The following SH3BGR variants were observed in gnomAD, a reference collection of about 807,000 sequenced individuals.
SH3BGR encodes the protein SH3 domain-binding glutamic acid-rich protein.
SH3BGR carries 29 observed loss-of-function variants against 24.5 expected under a neutral mutation model. The ratio of observed to expected loss-of-function variants is 1.18; its 90% confidence interval spans 0.88 to 1.61. The LOEUF is 1.61. SH3BGR is among the 40% of genes most tolerant of loss of function. The pLI is 0.00. For missense variants in SH3BGR, 162 were observed against 205.8 expected (o/e 0.79, Z 1.30); for synonymous variants, 55 against 65.7 (o/e 0.84, Z 0.79).
upstream of SH3BGR, among the ~76,000 whole-genome samples, chr21:39,448,515 C>T (rs779489652): frequency 1.3e-5 from 2 of 151,994 alleles, no homozygotes; most frequent in African/African-American, 2.4e-5. Context: ...AAAATATACT[C>T]CAACAGACGG....
chr21:39,473,463 T>C (rs1376038977), intron 2 of SH3BGR, among the ~76,000 whole-genome samples: 1 of 152,248 alleles, frequency 6.6e-6, no homozygotes, highest in African/African-American at 2.4e-5. Context: ...CACTTACTCA[T>C]GATGTTATAT....
chr21:39,469,330 ATGT>A (rs960056322), intron 2 of SH3BGR, among the ~76,000 whole-genome samples: 1 of 147,432 alleles, frequency 6.8e-6, no homozygotes, highest in African/African-American at 2.5e-5. Context: ...TTTTAAGTTT[ATGT>A]TGTTCATAGT....
upstream of SH3BGR, among the ~76,000 whole-genome samples, chr21:39,447,292 A>G (rs531002031): frequency 1.5e-4 from 23 of 151,980 alleles, no homozygotes; most frequent in South Asian, 4.2e-3. Flanking sequence ...TCATGACTGG[A>G]GGAATTGAAA....
intron 3 of SH3BGR, among the ~76,000 whole-genome samples, chr21:39,482,232 CA>C (rs1314172464): frequency 6.6e-6 from 1 of 152,096 alleles, no homozygotes; most frequent in Non-Finnish European, 1.5e-5. Flanking sequence ...TCAGACAAAA[CA>C]AAAATTTGGA....
intron 2 of SH3BGR, among the ~76,000 whole-genome samples, chr21:39,472,891 T>C (rs1318350198): frequency 1.4e-5 from 2 of 141,498 alleles, no homozygotes; most frequent in Admixed American, 1.4e-4. Context: ...AAAGGTGTCA[T>C]GTGTGTGTCA....
intron 4 of SH3BGR, 139 bp downstream of exon 4, chr21:39,500,054 A>G (rs1164477269): frequency 3.1e-6 from 2 of 644,132 alleles, no homozygotes; most frequent in Admixed American, 5.3e-5. Context: ...GGAGGAAGCA[A>G]GTAATTTCTA....
rs117348794 is a variant in SH3BGR at position 39,488,412 on chromosome 21, G to T, written c.313-11411G>T. 342 of 229,662 alleles carry T rather than the reference G, an allele frequency of 1.5e-3. 1 individual carries two copies. The highest frequency in any genetic ancestry group is 2.5e-3 in the Non-Finnish European group (270 of 109,010). The allele number at this position is 229,662 out of a possible 1,614,324, so 14.2% of individuals were successfully genotyped here. ...AATGGGTGATGGCAAGGCCCTTACA[G>T]CCAGTATGGGGACATGACGAGGGCC... On this transcript the variant is annotated intron_variant, in intron 3 of 6. Coordinates refer to ENST00000333634, the MANE Select transcript of SH3BGR (RefSeq NM_007341.3).
chr21:39,501,285 TA>T (rs1467881012), intron 4 of SH3BGR, among the ~76,000 whole-genome samples: 1 of 152,228 alleles, frequency 6.6e-6, no homozygotes, highest in Non-Finnish European at 1.5e-5. Flanking sequence ...AGCATATTTA[TA>T]ATCAGATCCT....
chr21:39,475,059 C>T (rs953479063), intron 2 of SH3BGR, 76 bp from the exon 3 acceptor site: 12 of 916,118 alleles, frequency 1.3e-5, no homozygotes, highest in Non-Finnish European at 2.0e-5. Flanking sequence ...CTAAGAAATA[C>T]AAAAGATCAG....
intron 3 of SH3BGR, among the ~76,000 whole-genome samples, chr21:39,499,022 A>G (rs549599542): frequency 3.4e-4 from 52 of 152,268 alleles, no homozygotes; most frequent in African/African-American, 1.1e-3. Flanking sequence ...CAGGAAGGAG[A>G]AGTGCTGAAC....
chr21:39,485,055 T>C (rs781027675), intron 3 of SH3BGR, among the ~76,000 whole-genome samples: 2 of 152,246 alleles, frequency 1.3e-5, no homozygotes, highest in Non-Finnish European at 2.9e-5. Flanking sequence ...TTAGACAGGC[T>C]GTTCTAGGCC....
intron 3 of SH3BGR, among the ~76,000 whole-genome samples, chr21:39,497,452 A>C (rs2078417315): frequency 6.6e-6 from 1 of 151,856 alleles, no homozygotes; most frequent in Non-Finnish European, 1.5e-5. Context: ...AAGTTAGATA[A>C]ATTTGCCCAT....
upstream of SH3BGR, among the ~76,000 whole-genome samples, chr21:39,450,966 AC>A (rs2077566855): frequency 6.6e-6 from 1 of 151,666 alleles, no homozygotes; most frequent in Admixed American, 6.6e-5. Context: ...GCGCCTGCCA[AC>A]ATGCCTGGCT....
At position 39,457,797 on chromosome 21, in the gene SH3BGR, G is replaced by A. The variant is rs564847169; in HGVS notation, c.46-4578G>A. Among the ~76,000 whole-genome samples the A allele has an allele frequency of 3.3e-5, 5 of 151,846 alleles. No homozygotes were observed. In the South Asian group the frequency reaches 6.2e-4, roughly 19 times the overall value. ...AAATTAGCCAGACGTGGTGGTGTGC[G>A]TCCATAGTGCCAGCTATTCGGGAGG... On this transcript the variant is annotated intron_variant, in intron 1 of 6. Transcript: ENST00000333634.
upstream of SH3BGR, among the ~76,000 whole-genome samples, chr21:39,447,920 T>G (rs924701436): frequency 6.6e-6 from 1 of 152,216 alleles, no homozygotes; most frequent in Non-Finnish European, 1.5e-5. Flanking sequence ...TAGAACTTTA[T>G]CTTCTCACAT....
chr21:39,475,523 G>A (rs1487052598), intron 3 of SH3BGR, among the ~76,000 whole-genome samples: 1 of 152,034 alleles, frequency 6.6e-6, no homozygotes, highest in African/African-American at 2.4e-5. Context: ...AAACATTTGA[G>A]CTCCTAGGTT....
At chr21:39,467,239 A>G (rs1254291752) in intron 2 of SH3BGR, among the ~76,000 whole-genome samples, 3 of 151,462 alleles carry the variant, frequency 2.0e-5, no homozygotes, top group Non-Finnish European at 4.4e-5. Flanking sequence ...CTCTTATCCC[A>G]GTTTGCTGTG....
intron 2 of SH3BGR, among the ~76,000 whole-genome samples, chr21:39,471,448 G>A (rs1306733727): frequency 6.6e-6 from 1 of 151,970 alleles, no homozygotes; most frequent in African/African-American, 2.4e-5. Flanking sequence ...AAAATGTTTA[G>A]CAATTGTATG....
In SH3BGR at chr21:39,480,589, A is replaced by G. The variant is rs78529985; in HGVS notation, c.312+5374A>G. ...TGGATGGACTGCATTTTACACATCCATTCCTCAGTGGCTGGGTATTTGGGT... is the reference window on the plus strand; with the variant it reads ...TGGATGGACTGCATTTTACACATCCGTTCCTCAGTGGCTGGGTATTTGGGT... On this transcript the variant is annotated intron_variant, in intron 3 of 6. Transcript: ENST00000333634. 3.8e-3 allele frequency among the ~76,000 whole-genome samples: 585 copies of G among 152,304 alleles called. 4 individuals are homozygous for G. Among genetic ancestry groups the G allele is most frequent in the African/African-American group, 0.013 (549 of 41,550 alleles).
Sources: gnomAD v4.1 joint callset for allele counts (sites outside exome capture counted in the v4.1 genomes callset) on GRCh38, gnomAD v4.1.1 for gene constraint, MANE v1.5 for transcripts, NCBI Gene and HGNC (gene_info 2026-07-23, HGNC 2026-07-21) for gene names.